Variants in KLF12 observed in about 807,000 individuals in gnomAD.
KLF12 encodes Krueppel-like factor 12.
A neutral mutation model predicts 37.8 loss-of-function variants in KLF12; 9 were observed. The ratio of observed to expected loss-of-function variants is 0.24; its 90% CI spans 0.14 to 0.42. KLF12 has a LOEUF of 0.42. KLF12 is among the 10% of genes least tolerant of loss of function. The pLI is 1.00. For synonymous variants in KLF12, 208 were observed against 202.1 expected (o/e 1.03, Z -0.25); for missense variants, 411 against 516.0 (o/e 0.80, Z 1.97).
Position 73,845,838 on chromosome 13 carries a change from C to A in KLF12, c.659G>T (p.Gly220Val). ...TTTATGTCTCTTACCTTTGCCATGG[C>A]CTCTCCCATCCTCCAAAAGCGGCAC... The change falls in exon 4 of 8, where the codon GGC becomes GTC. Residue 220 changes from glycine to valine, a missense_variant. Physicochemically the swap from Gly to Val is moderately radical, Grantham distance 109 (BLOSUM62 -3). Transcript: ENST00000377669. The A allele has an allele frequency of 6.2e-7, 1 of 1,613,018 alleles. No homozygotes were observed. The highest frequency in any genetic ancestry group is 2.2e-5 in the East Asian group (1 of 44,860).
At chr13:73,990,155 T>A (rs186308298) in intron 2 of KLF12, among the ~76,000 whole-genome samples, 1 of 152,016 alleles carries the variant, frequency 6.6e-6, no homozygotes, top group Non-Finnish European at 1.5e-5. Flanking sequence ...GCCACAGATA[T>A]GGAAAATCAA....
chr13:74,288,868 A>G, the KLF12 span, among the ~76,000 whole-genome samples: 1 of 152,154 alleles, frequency 6.6e-6, no homozygotes, highest in Non-Finnish European at 1.5e-5. Context: ...CAGTCTCCCC[A>G]GTCAGCACCT....
At chr13:73,927,101 A>C (rs1312525729) in intron 3 of KLF12, among the ~76,000 whole-genome samples, 1 of 152,186 alleles carries the variant, frequency 6.6e-6, no homozygotes, top group African/African-American at 2.4e-5. Flanking sequence ...TATGTGAACA[A>C]ATACAATAAT....
chr13:73,927,361 C>G (rs928095134), intron 3 of KLF12, among the ~76,000 whole-genome samples: 2 of 152,110 alleles, frequency 1.3e-5, no homozygotes, highest in African/African-American at 4.8e-5. Flanking sequence ...GAGGAACGTA[C>G]CCTCTCTTAC....
intron 3 of KLF12, among the ~76,000 whole-genome samples, chr13:73,866,354 A>C (rs1227309460): frequency 6.6e-6 from 1 of 152,166 alleles, no homozygotes; most frequent in Non-Finnish European, 1.5e-5. Flanking sequence ...AGAATAGGGA[A>C]ACAGGGCACA....
At chr13:73,739,664 G>A (rs1304118155) in intron 6 of KLF12, among the ~76,000 whole-genome samples, 1 of 136,492 alleles carries the variant, frequency 7.3e-6, no homozygotes, top group Non-Finnish European at 1.6e-5. Flanking sequence ...GAGACTCTAT[G>A]CAGCACTAGA....
the KLF12 span, among the ~76,000 whole-genome samples, chr13:74,224,666 CA>C: frequency 2.0e-5 from 3 of 152,124 alleles, no homozygotes; most frequent in African/African-American, 7.2e-5. Context: ...AGCTCTCTAA[CA>C]GTGGAAATGC....
intron 3 of KLF12, among the ~76,000 whole-genome samples, chr13:73,852,886 T>C (rs1885406867): frequency 6.6e-6 from 1 of 150,846 alleles, no homozygotes; most frequent in Non-Finnish European, 1.5e-5. Context: ...TTTTTTTTTT[T>C]TGAGACGGAG....
intron 5 of KLF12, among the ~76,000 whole-genome samples, chr13:73,795,599 T>A (rs1398823091): frequency 6.6e-6 from 1 of 152,236 alleles, no homozygotes; most frequent in East Asian, 1.9e-4. Context: ...GATTTTATGA[T>A]CCTAGTTTTA....
At chr13:74,246,927 G>C in the KLF12 span, among the ~76,000 whole-genome samples, 1 of 152,198 alleles carries the variant, frequency 6.6e-6, no homozygotes, top group African/African-American at 2.4e-5. Flanking sequence ...TGAATGCTCA[G>C]AGGAATTAAC....
At chr13:74,162,602 A>G in the KLF12 span, among the ~76,000 whole-genome samples, 1,165 of 152,086 alleles carry the variant, frequency 7.7e-3, 18 homozygotes, top group African/African-American at 0.026. Flanking sequence ...CTTCTCTTGT[A>G]TTTCTCTCCT....
intron 6 of KLF12, among the ~76,000 whole-genome samples, chr13:73,760,330 T>C (rs995309176): frequency 6.6e-6 from 1 of 152,112 alleles, no homozygotes; most frequent in South Asian, 2.1e-4. Context: ...TTCCTACATA[T>C]ATAGTTTTTT....
At chr13:74,115,439 T>TCA (rs1341531014) in intron 1 of KLF12, among the ~76,000 whole-genome samples, 16 of 152,162 alleles carry the variant, frequency 1.1e-4, no homozygotes, top group Admixed American at 1.0e-3. Flanking sequence ...GCATGGTGGT[T>TCA]CACTCCTGTA....
intron 1 of KLF12, among the ~76,000 whole-genome samples, chr13:74,106,690 T>C (rs1436057120): frequency 6.6e-6 from 1 of 152,190 alleles, no homozygotes; most frequent in Admixed American, 6.5e-5. Flanking sequence ...ATGACTGCAC[T>C]GGGCTAAACA....
chr13:73,940,051 C>A (rs1487922708), intron 3 of KLF12, among the ~76,000 whole-genome samples: 1 of 152,130 alleles, frequency 6.6e-6, no homozygotes, highest in African/African-American at 2.4e-5. Flanking sequence ...TGGTGAACTG[C>A]AGGGCCAGGA....
chr13:74,011,450 C>T (rs1536025), intron 1 of KLF12, among the ~76,000 whole-genome samples: 126,995 of 152,120 alleles, frequency 0.83, 53,642 homozygotes, highest in Non-Finnish European at 0.91. Flanking sequence ...AGTTCACTAA[C>T]CATTTACTAA....
At chr13:73,783,626 A>T (rs1258523780) in intron 5 of KLF12, among the ~76,000 whole-genome samples, 6 of 152,160 alleles carry the variant, frequency 3.9e-5, no homozygotes, top group Non-Finnish European at 7.3e-5. Context: ...GAATTAAAAA[A>T]TTTTTAAAGC....
At chr13:74,206,741 A>G in the KLF12 span, among the ~76,000 whole-genome samples, 7 of 152,238 alleles carry the variant, frequency 4.6e-5, no homozygotes, top group African/African-American at 1.7e-4. Context: ...CACTATGCAC[A>G]GGATCATGGA....
chr13:73,868,337 G>GT (rs1304655675), intron 3 of KLF12, among the ~76,000 whole-genome samples: 1 of 133,098 alleles, frequency 7.5e-6, no homozygotes, highest in African/African-American at 2.9e-5. Context: ...TGGGGGGGGG[G>GT]GGTGATTTCA....
Sources: allele counts gnomAD v4.1 joint callset (sites outside exome capture counted in the v4.1 genomes callset), GRCh38; gene constraint gnomAD v4.1.1; transcripts MANE v1.5; gene names NCBI Gene and HGNC (gene_info 2026-07-23, HGNC 2026-07-21).